Variants in COPG1 observed in about 807,000 individuals in gnomAD.
COPG1 encodes the protein coat protein complex I subunit gamma 1.
In COPG1, 29 loss-of-function variants were observed where a neutral mutation model predicts 102.8. The ratio of observed to expected loss-of-function variants is 0.28; its 90% CI spans 0.21 to 0.38. COPG1 has a LOEUF of 0.38. Among genes scored for constraint, COPG1 ranks in the 10% least tolerant of loss-of-function variants. The probability of loss-of-function intolerance (pLI) is 1.00; values close to 1 mark genes in which losing one functional copy is unlikely to be tolerated. For missense variants in COPG1, 875 were observed against 1,132.7 expected, an observed-to-expected ratio of 0.77 and a Z score of 3.27; for synonymous variants, 406 against 421.6, an observed-to-expected ratio of 0.96 and a Z score of 0.45.
chr3:129,257,388 C>A, intron 8 of COPG1, 82 bp from the exon 9 acceptor site: 1 of 1,493,694 alleles, frequency 6.7e-7, no homozygotes, highest in Non-Finnish European at 9.3e-7. Flanking sequence ...AATGAGAAGG[C>A]TGAAGGACCC....
At chr3:129,270,052 T>C (rs553376680) in intron 18 of COPG1, among the ~76,000 whole-genome samples, 2 of 144,064 alleles carry the variant, frequency 1.4e-5, no homozygotes, top group East Asian at 2.2e-4. Context: ...CTCCTGGCCT[T>C]TTCAAATCTC....
At chr3:129,268,316 C>T (rs74768841) in intron 16 of COPG1, among the ~76,000 whole-genome samples, 179 bp from the exon 17 acceptor site, 1,537 of 152,258 alleles carry the variant, frequency 0.01, 98 homozygotes, top group Admixed American at 0.086. Context: ...TGTTTATTCC[C>T]CACACCTACC....
At chr3:129,260,433 G>A in intron 11 of COPG1, 33 bp downstream of exon 11, 2 of 1,605,336 alleles carry the variant, frequency 1.2e-6, no homozygotes, top group Non-Finnish European at 1.7e-6. Flanking sequence ...GGAGGAAGCT[G>A]TCTGATCCAA....
In COPG1 at chr3:129,264,042, C is replaced by T. The variant is rs1255002381; in HGVS notation, c.1224+43C>T. ...TCGGGGGATGCCAGGTCTCCTGGTG[C>T]AGGGAGTGACCTGACCACTGGCTCC... On this transcript the variant is annotated intron_variant, in intron 13 of 23. Coordinates refer to ENST00000314797, the MANE Select transcript of COPG1 (RefSeq NM_016128.4). The T allele has an allele frequency of 1.0e-5, 15 of 1,505,168 alleles. No homozygotes were observed. In the South Asian group the frequency reaches 1.2e-4, roughly 12 times the overall value. The allele number at this position is 1,505,168 out of a possible 1,614,324, so 93.2% of individuals were successfully genotyped here.
intron 15 of COPG1, among the ~76,000 whole-genome samples, chr3:129,267,617 C>T (rs1255531365): frequency 1.3e-5 from 2 of 151,302 alleles, no homozygotes; most frequent in Non-Finnish European, 2.9e-5. Context: ...GAGACTCCAG[C>T]TCAAAAAAAA....
intron 13 of COPG1, 89 bp downstream of exon 13, chr3:129,264,088 G>C (rs1940004887): frequency 2.8e-6 from 3 of 1,087,824 alleles, no homozygotes; most frequent in African/African-American, 1.6e-5. Context: ...TTGTGCGTGT[G>C]CTTATGTTAG....
intron 12 of COPG1, among the ~76,000 whole-genome samples, chr3:129,262,482 T>C (rs1939944409): frequency 6.6e-6 from 1 of 152,064 alleles, no homozygotes. Context: ...CTCGATCTCC[T>C]GACCTCATGA....
In COPG1 at chr3:129,257,846, C is replaced by T. The variant is rs752675074; in HGVS notation, c.857C>T (p.Ala286Val). 4.3e-6 allele frequency: 7 copies of T among 1,613,424 alleles called. No individual in the cohort carries two copies. In the Admixed American group the frequency reaches 6.7e-5, roughly 15 times the overall value. The change falls in exon 10 of 24, where the codon GCC becomes GTC. Residue 286 changes from alanine (A) to valine (V), a missense_variant. Transcript: ENST00000314797. ...CCAGGCTGCAGTGCCAAAGAGCTGG[C>T]CCCGGCTGTGTCAGGTCACTGGGCA... ...NLPGCSAKEL[A>V]PAVSVLQLFC...
chr3:129,255,878 G>A (rs549566788), intron 7 of COPG1, among the ~76,000 whole-genome samples, 190 bp from the exon 8 acceptor site: 44 of 152,160 alleles, frequency 2.9e-4, no homozygotes, highest in African/African-American at 1.0e-3. Flanking sequence ...AGAGTCGTGG[G>A]TGGATGGTGT....
chr3:129,258,766 G>C (rs1338592749), intron 10 of COPG1, among the ~76,000 whole-genome samples: 1 of 152,084 alleles, frequency 6.6e-6, no homozygotes, highest in Non-Finnish European at 1.5e-5. Context: ...GTTGTTTGCT[G>C]TTATTAAGGG....
chr3:129,272,268 G>A lies in COPG1; in HGVS notation c.2011G>A (p.Asp671Asn), dbSNP rs1940197230. The A allele has an allele frequency of 2.5e-6, 4 of 1,613,940 alleles. No homozygotes were observed. The highest frequency in any genetic ancestry group is 3.4e-6 in the Non-Finnish European group (4 of 1,179,942). ...FQFDCTNTLN[D>N]QTLENVTVQM... The stretch of plus-strand genomic sequence containing the variant: ...GTTTGACTGCACAAACACACTCAAT[G>A]ACCAGACCTTGGAGAATGTCACAGT... Residue 671 changes from aspartate to asparagine, a missense_variant, in exon 20 of 24, where the codon GAC (aspartate) becomes AAC (asparagine). Physicochemically the swap from Asp to Asn is conservative, Grantham distance 23. Coordinates refer to ENST00000314797, the MANE Select transcript of COPG1 (RefSeq NM_016128.4).
At chr3:129,253,761 A>G (rs773496007) in intron 5 of COPG1, among the ~76,000 whole-genome samples, 20 of 152,072 alleles carry the variant, frequency 1.3e-4, no homozygotes, top group Non-Finnish European at 2.2e-4. Flanking sequence ...TGTAATCCAC[A>G]GACTGCGATG....
chr3:129,255,025 C>G lies in COPG1; in HGVS notation c.440C>G (p.Ala147Gly), dbSNP rs890317631. ...LQAIERYMKQ[A>G]IVDKVPSVSS... is the part of the protein sequence containing the mutation. The stretch of plus-strand genomic sequence containing the variant: ...GCTATTGAGCGCTACATGAAACAAG[C>G]CATTGTGGACAAGGTGCCCAGTGTC... Residue 147 changes from alanine (A) to glycine (G), a missense_variant, in exon 7 of 24, where the codon GCC becomes GGC. Coordinates refer to ENST00000314797, the MANE Select transcript of COPG1 (RefSeq NM_016128.4). 6.2e-7 allele frequency: 1 copy of G among 1,614,054 alleles called. No individual in the cohort carries two copies. The highest frequency in any genetic ancestry group is 8.5e-7 in the Non-Finnish European group (1 of 1,180,008).
chr3:129,264,519 A>C (rs1458212898), intron 13 of COPG1, among the ~76,000 whole-genome samples: 4 of 152,206 alleles, frequency 2.6e-5, no homozygotes, highest in Non-Finnish European at 5.9e-5. Context: ...CCAGCCCCAG[A>C]GTGGCCCATG....
At chr3:129,263,749 T>C (rs1462932208) in intron 12 of COPG1, among the ~76,000 whole-genome samples, 155 bp from the exon 13 acceptor site, 1 of 147,334 alleles carries the variant, frequency 6.8e-6, no homozygotes, top group Non-Finnish European at 1.5e-5. Flanking sequence ...CCCTTCAAGC[T>C]TCAAGCGTGG....
intron 2 of COPG1, among the ~76,000 whole-genome samples, chr3:129,251,787 C>T (rs565873135): frequency 6.6e-6 from 1 of 151,804 alleles, no homozygotes; most frequent in South Asian, 2.1e-4. Context: ...TCCTGGGTTC[C>T]AGCAATTCTC....
intron 21 of COPG1, among the ~76,000 whole-genome samples, chr3:129,274,381 A>C (rs1940230475): frequency 6.6e-6 from 1 of 152,150 alleles, no homozygotes; most frequent in African/African-American, 2.4e-5. Context: ...GGATCTGTCA[A>C]ATCCAGAGGA....
In COPG1 at chr3:129,268,610, G is replaced by A. The variant is rs1940118044; in HGVS notation, c.1764G>A (p.Glu588=). ...CCCTGGCCACGGCGCCCATGGCAGA[G>A]CAGAGAACAGGTAACACTTATACTC... The part of the protein sequence containing the change: ...SVPLATAPMA[E]QRTESTPITA... Residue 588 remains glutamate, a synonymous_variant, in exon 17 of 24, where the codon GAG becomes GAA. Coordinates refer to ENST00000314797, the MANE Select transcript of COPG1 (RefSeq NM_016128.4). The A allele has an allele frequency of 1.9e-6, 3 of 1,614,120 alleles. No homozygotes were observed. Among genetic ancestry groups the A allele is most frequent in the African/African-American group, 1.3e-5 (1 of 75,064 alleles).
At position 129,275,028 on chromosome 3, in the gene COPG1, G is replaced by C; in HGVS notation, c.2395+52G>C. The stretch of plus-strand genomic sequence containing the variant: ...GCCTAATTACTGTTCAAGATCTTTG[G>C]CTACTATTGAAGTGCTCATCCCTTT... On this transcript the variant is annotated intron_variant, in intron 22 of 23. Coordinates refer to ENST00000314797, the MANE Select transcript of COPG1 (RefSeq NM_016128.4). The surrounding 1 kb of genome is among the most constrained non-coding windows in gnomAD (Gnocchi z 5.0). The C allele has an allele frequency of 6.2e-7, 1 of 1,601,098 alleles. No homozygotes were observed. Among genetic ancestry groups the C allele is most frequent in the Non-Finnish European group, 8.6e-7 (1 of 1,169,452 alleles).
Sources: allele counts gnomAD v4.1 joint callset (sites outside exome capture counted in the v4.1 genomes callset), GRCh38; gene constraint gnomAD v4.1.1; non-coding constraint Gnocchi (gnomAD v3.1); transcripts MANE v1.5; gene names NCBI Gene and HGNC (gene_info 2026-07-23, HGNC 2026-07-21).